GAS2: variants seen among roughly 807,000 people sequenced by gnomAD.
GAS2 encodes the protein growth arrest-specific protein 2.
In GAS2, 20 loss-of-function variants were observed where a neutral mutation model predicts 37.5. The observed-to-expected ratio is 0.53, with a 90% CI of 0.37 to 0.77. The LOEUF (loss-of-function observed/expected upper bound fraction) is 0.77, where lower values mean the gene tolerates loss of function less well. Among genes scored for constraint, GAS2 ranks in the 30% least tolerant of loss-of-function variants. The probability of loss-of-function intolerance (pLI) is 0.00; values close to 1 mark genes in which losing one functional copy is unlikely to be tolerated. For missense variants in GAS2, 336 were observed against 373.4 expected (o/e 0.90, Z 0.82); for synonymous variants, 144 against 132.2 (o/e 1.09, Z -0.61).
chr11:22,638,347 ATT>A (rs764707083), intron 1 of GAS2, among the ~76,000 whole-genome samples: 11 of 142,174 alleles, frequency 7.7e-5, no homozygotes, highest in Non-Finnish European at 6.2e-5. Flanking sequence ...TATTATTACA[ATT>A]TTTTTTTTTT....
At chr11:22,629,524 T>C (rs1216413935) in intron 1 of GAS2, among the ~76,000 whole-genome samples, 4 of 151,960 alleles carry the variant, frequency 2.6e-5, no homozygotes, top group Non-Finnish European at 5.9e-5. Flanking sequence ...TGGTATCCCA[T>C]TGTGGTTTTA....
At chr11:22,702,372 T>C (rs1406853359) in intron 3 of GAS2, 1 of 152,200 alleles carries the variant, frequency 6.6e-6, no homozygotes, top group Non-Finnish European at 1.5e-5. Context: ...GGATGAAGTT[T>C]GTTGAACTGT....
At chr11:22,698,316 C>A (rs1850648604) in intron 3 of GAS2, among the ~76,000 whole-genome samples, 1 of 151,964 alleles carries the variant, frequency 6.6e-6, no homozygotes, top group Admixed American at 6.6e-5. Flanking sequence ...AAGACTAAAC[C>A]AGGAAGAAGT....
At chr11:22,628,475 C>A (rs548802750) in intron 1 of GAS2, among the ~76,000 whole-genome samples, 1 of 152,130 alleles carries the variant, frequency 6.6e-6, no homozygotes, top group African/African-American at 2.4e-5. Flanking sequence ...TTTTGATCCC[C>A]AAATTCCTGG....
At chr11:22,648,532 A>G (rs974202314) in intron 1 of GAS2, among the ~76,000 whole-genome samples, 14 of 152,126 alleles carry the variant, frequency 9.2e-5, no homozygotes, top group African/African-American at 1.4e-4. Flanking sequence ...CCATTTTCAC[A>G]ATATTGATTC....
intron 7 of GAS2, among the ~76,000 whole-genome samples, chr11:22,803,651 C>T (rs1328176779): frequency 6.6e-6 from 1 of 152,046 alleles, no homozygotes; most frequent in Non-Finnish European, 1.5e-5. Context: ...CTGATAATGA[C>T]ATTATAGATT....
intron 3 of GAS2, among the ~76,000 whole-genome samples, chr11:22,721,634 A>G (rs1479461478): frequency 6.6e-6 from 1 of 152,094 alleles, no homozygotes; most frequent in African/African-American, 2.4e-5. Context: ...ATTTAAGTTG[A>G]TAAATGAAAT....
intron 7 of GAS2, among the ~76,000 whole-genome samples, chr11:22,788,905 G>T (rs1042497877): frequency 7.2e-5 from 11 of 151,948 alleles, no homozygotes; most frequent in Non-Finnish European, 1.2e-4. Context: ...AATTAAATGA[G>T]ATATTGCATT....
chr11:22,663,405 C>CAA (rs551422163), upstream of GAS2, among the ~76,000 whole-genome samples: 3 of 128,622 alleles, frequency 2.3e-5, no homozygotes, highest in East Asian at 2.2e-4. Flanking sequence ...TAGCCCTTCT[C>CAA]AAAAAAAAAA....
intron 1 of GAS2, among the ~76,000 whole-genome samples, chr11:22,658,399 C>T (rs923906816): frequency 1.3e-5 from 2 of 152,108 alleles, no homozygotes; most frequent in Admixed American, 6.6e-5. Flanking sequence ...CAATAGATCC[C>T]TCTAGATATC....
At chr11:22,634,812 G>A (rs1379540620) in intron 1 of GAS2, among the ~76,000 whole-genome samples, 1 of 152,136 alleles carries the variant, frequency 6.6e-6, no homozygotes, top group Admixed American at 6.5e-5. Context: ...GACTCTGTGA[G>A]ATTTTCTTGG....
chr11:22,706,327 G>GTT (rs201529420), intron 3 of GAS2, among the ~76,000 whole-genome samples: 1 of 146,994 alleles, frequency 6.8e-6, no homozygotes, highest in Non-Finnish European at 1.5e-5. Flanking sequence ...GAAGTAGACG[G>GTT]TTTTTTTTTT....
chr11:22,730,281 G>T (rs1024375556), intron 4 of GAS2, among the ~76,000 whole-genome samples: 2 of 151,710 alleles, frequency 1.3e-5, no homozygotes, highest in African/African-American at 4.8e-5. Context: ...AAGAATTATG[G>T]CATGTAATCT....
intron 7 of GAS2, among the ~76,000 whole-genome samples, chr11:22,781,026 A>G (rs1478180403): frequency 6.6e-6 from 1 of 152,220 alleles, no homozygotes; most frequent in Admixed American, 6.5e-5. Context: ...TTGACCTCAT[A>G]ACATCCCCCC....
intron 1 of GAS2, among the ~76,000 whole-genome samples, chr11:22,633,428 T>C (rs1432092495): frequency 6.6e-6 from 1 of 152,212 alleles, no homozygotes; most frequent in Non-Finnish European, 1.5e-5. Context: ...CTGTCTCCTA[T>C]GGGGCCAGAA....
At chr11:22,753,433 T>C (rs995756750) in intron 6 of GAS2, among the ~76,000 whole-genome samples, 4 of 152,154 alleles carry the variant, frequency 2.6e-5, no homozygotes, top group Admixed American at 2.6e-4. Context: ...TTATTTCATT[T>C]GATACCAAGA....
intron 7 of GAS2, among the ~76,000 whole-genome samples, chr11:22,784,468 G>T (rs1226345009): frequency 6.6e-6 from 1 of 152,028 alleles, no homozygotes; most frequent in African/African-American, 2.4e-5. Context: ...GTATTGGTTG[G>T]CAAGGCATGA....
chr11:22,694,885 C>G (rs1291004841), intron 3 of GAS2, among the ~76,000 whole-genome samples: 1 of 152,166 alleles, frequency 6.6e-6, no homozygotes, highest in East Asian at 1.9e-4. Context: ...TAGTGGCACT[C>G]AACATTTTAA....
chr11:22,648,856 C>T (rs753700208), intron 1 of GAS2, among the ~76,000 whole-genome samples: 33 of 152,174 alleles, frequency 2.2e-4, no homozygotes, highest in Non-Finnish European at 3.8e-4. Flanking sequence ...ATCATGTCGT[C>T]TACAAACAGG....
Sources: gnomAD v4.1 joint callset for allele counts (sites outside exome capture counted in the v4.1 genomes callset) on GRCh38, gnomAD v4.1.1 for gene constraint, MANE v1.5 for transcripts, NCBI Gene and HGNC (gene_info 2026-07-23, HGNC 2026-07-21) for gene names.